TUBGCP2: variants seen among roughly 807,000 people sequenced by gnomAD.
The protein encoded by TUBGCP2 is tubulin gamma complex component 2, also known as gamma-tubulin complex component 2.
In TUBGCP2, 55 loss-of-function variants were observed where a neutral mutation model predicts 92.2. The observed-to-expected ratio is 0.60, with a 90% CI of 0.48 to 0.75. The LOEUF (loss-of-function observed/expected upper bound fraction) is 0.75. Among genes scored for constraint, TUBGCP2 ranks in the 30% least tolerant of loss-of-function variants. TUBGCP2 has a pLI of 0.00. For missense variants in TUBGCP2, 1,093 were observed against 1,188.9 expected (o/e 0.92, Z 1.19); for synonymous variants, 533 against 505.2 (o/e 1.06, Z -0.74).
intron 1 of TUBGCP2, among the ~76,000 whole-genome samples, chr10:133,306,633 A>C (rs917064093): frequency 3.3e-5 from 5 of 151,966 alleles, no homozygotes; most frequent in Non-Finnish European, 7.4e-5. Flanking sequence ...TAAAAATACA[A>C]AAAAATTAGC....
chr10:133,292,991 A>G, intron 7 of TUBGCP2, 48 bp downstream of exon 7: 1 of 1,591,930 alleles, frequency 6.3e-7, no homozygotes, highest in Non-Finnish European at 8.6e-7. Context: ...TGCCATGTTC[A>G]ACACCTGCCA....
At chr10:133,291,867 C>T (rs1847325336) in intron 8 of TUBGCP2, among the ~76,000 whole-genome samples, 1 of 28,474 alleles carries the variant, frequency 3.5e-5, no homozygotes, top group Non-Finnish European at 5.5e-5. Flanking sequence ...TCCCGGGGAG[C>T]CCTACCTGTA....
rs1847101691 is a variant in TUBGCP2, at chr10:133,285,254, C to T, written c.1896-41G>A. The T allele has an allele frequency of 6.2e-7, 1 of 1,607,758 alleles. No individual in the cohort carries two copies. The highest frequency in any genetic ancestry group is 1.3e-5 in the African/African-American group (1 of 74,932). ...CGGCACCTCAGGTGGGCCTCCGTGA[C>T]CGGCGGCGTCGTGGACACGGCGTCT... On this transcript the variant is annotated intron_variant, in intron 12 of 17. Transcript: ENST00000252936. This position sits in a 1 kb window ranked among gnomAD's most constrained non-coding sequence, Gnocchi z 6.8.
At position 133,292,658 on chromosome 10, in the gene TUBGCP2, C is replaced by G; in HGVS notation, c.1055G>C (p.Gly352Ala). The change falls in exon 8 of 18, where the codon GGG becomes GCG. Residue 352 changes from glycine (G) to alanine (A), a missense_variant. Gly to Ala is a moderately conservative substitution (Grantham distance 60). This residue lies in a region of TUBGCP2 where 490 missense variants were observed against 488.5 expected (regional missense o/e 1.00). Coordinates refer to ENST00000252936, the MANE Select transcript of TUBGCP2 (RefSeq NM_006659.4). ...GTGGAGCAGGCTCAGCGTGGACCCC[C>G]CAAGACATTCGCCTTTGTCCACCGA... ...ATSVDKGECL[G>A]GSTLSLLHDR... The G allele has an allele frequency of 6.2e-7, 1 of 1,613,996 alleles. No individual in the cohort carries two copies. Among genetic ancestry groups the G allele is most frequent in the East Asian group, 2.2e-5 (1 of 44,880 alleles).
At chr10:133,288,710 C>T (rs1377178094) in intron 10 of TUBGCP2, 130 bp downstream of exon 10, 16 of 1,083,594 alleles carry the variant, frequency 1.5e-5, no homozygotes, top group Non-Finnish European at 2.1e-5. Flanking sequence ...AGAGACCATC[C>T]AGCAGTGCCC....
At chr10:133,287,962 ACC>A (rs958698194) in intron 11 of TUBGCP2, among the ~76,000 whole-genome samples, 165 bp downstream of exon 11, 20 of 151,796 alleles carry the variant, frequency 1.3e-4, no homozygotes, top group African/African-American at 4.8e-4. Flanking sequence ...AGGCACAAAG[ACC>A]CCCGATCCCG....
chr10:133,308,914 G>A (rs1329058387), upstream of TUBGCP2: 3 of 1,210,968 alleles, frequency 2.5e-6, no homozygotes, highest in African/African-American at 3.2e-5. Flanking sequence ...GACGGTGGCC[G>A]ACAGGCTGCG....
intron 7 of TUBGCP2, 26 bp downstream of exon 7, chr10:133,293,013 C>T (rs781380315): frequency 1.9e-5 from 30 of 1,608,982 alleles, no homozygotes; most frequent in Non-Finnish European, 2.5e-5. Context: ...CCACCACTGC[C>T]CCATGCCCCC....
intron 13 of TUBGCP2, among the ~76,000 whole-genome samples, chr10:133,284,847 T>G (rs966299064): frequency 2.6e-5 from 4 of 152,186 alleles, no homozygotes; most frequent in African/African-American, 9.6e-5. Flanking sequence ...CAGAGAGGGC[T>G]GAGGGACAGA....
intron 4 of TUBGCP2, 115 bp downstream of exon 4, chr10:133,299,312 G>C (rs1847571602): frequency 2.4e-6 from 2 of 831,184 alleles, no homozygotes; most frequent in Admixed American, 3.3e-5. Context: ...AAATGACAGA[G>C]AGACATGTCC....
chr10:133,285,666 A>G lies in TUBGCP2; in HGVS notation c.1723-38T>C, dbSNP rs1469939065. On this transcript the variant is annotated intron_variant, in intron 11 of 17. Transcript: ENST00000252936. This position sits in a 1 kb window ranked among gnomAD's most constrained non-coding sequence, Gnocchi z 6.8. Reference sequence around the variant, plus strand: ...GAAATGAAACAAAGCATCCAGTTTTAAGGAAAAGACCCGAAGTCGCATCCC... The same window carrying G: ...GAAATGAAACAAAGCATCCAGTTTTGAGGAAAAGACCCGAAGTCGCATCCC... 1.3e-6 allele frequency: 2 copies of G among 1,488,602 alleles called. No individual in the cohort carries two copies. Among genetic ancestry groups the G allele is most frequent in the Non-Finnish European group, 1.8e-6 (2 of 1,120,566 alleles). 92.2% of individuals were successfully genotyped at this position (1,488,602 alleles called of 1,614,324 possible). A position where few individuals can be genotyped will look rare whatever the true frequency, so the allele number is the denominator to read the frequency against.
intron 2 of TUBGCP2, among the ~76,000 whole-genome samples, chr10:133,300,725 C>T (rs1252306554): frequency 1.4e-5 from 2 of 143,538 alleles, no homozygotes; most frequent in Non-Finnish European, 3.0e-5. Flanking sequence ...CATCCACCTG[C>T]CTCGTCCCAA....
chr10:133,290,015 C>T (rs1377709639), intron 8 of TUBGCP2, 46 bp from the exon 9 acceptor site: 1 of 1,598,114 alleles, frequency 6.3e-7, no homozygotes, highest in Admixed American at 1.7e-5. Context: ...GCAAGGGCGC[C>T]TGAGGCAGGC....
intron 9 of TUBGCP2, 49 bp from the exon 10 acceptor site, chr10:133,289,069 G>A: frequency 6.4e-7 from 1 of 1,574,108 alleles, no homozygotes; most frequent in South Asian, 1.2e-5. Flanking sequence ...GTCGATCTCA[G>A]GCCCCAGCTG....
At chr10:133,297,754 G>T (rs1411466526) in intron 5 of TUBGCP2, among the ~76,000 whole-genome samples, 198 bp downstream of exon 5, 2 of 152,224 alleles carry the variant, frequency 1.3e-5, no homozygotes, top group African/African-American at 4.8e-5. Flanking sequence ...TGCCATCCTG[G>T]GATGGGAATA....
chr10:133,288,793 T>C (rs775020613), intron 10 of TUBGCP2, 47 bp downstream of exon 10: 6 of 1,530,798 alleles, frequency 3.9e-6, no homozygotes, highest in Non-Finnish European at 5.3e-6. Context: ...CAGGTTCCGG[T>C]TTCAGAGGGA....
chr10:133,290,056 A>C lies in TUBGCP2; in HGVS notation c.1215-87T>G, dbSNP rs996779951. 3.2e-6 allele frequency: 5 copies of C among 1,544,014 alleles called. No individual in the cohort carries two copies. In the African/African-American group the frequency reaches 5.4e-5, roughly 17 times the overall value. ...TTCTCCAGGCCGGCAGCGCGCAGGG[A>C]CATTAACAGAGGCCAGCACACTTCC... On this transcript the variant is annotated intron_variant, in intron 8 of 17. Coordinates refer to ENST00000252936, the MANE Select transcript of TUBGCP2 (RefSeq NM_006659.4).
intron 7 of TUBGCP2, 110 bp from the exon 8 acceptor site, chr10:133,292,798 GCTGCTT>G: frequency 1.5e-6 from 2 of 1,350,762 alleles, no homozygotes; most frequent in Non-Finnish European, 2.0e-6. Flanking sequence ...CTGGGACGGT[GCTGCTT>G]CTTTGGGATA....
At chr10:133,289,068 A>T (rs1047112276) in intron 9 of TUBGCP2, 48 bp from the exon 10 acceptor site, 1 of 1,569,522 alleles carries the variant, frequency 6.4e-7, no homozygotes, top group Admixed American at 1.7e-5. Context: ...GGTCGATCTC[A>T]GGCCCCAGCT....
Sources: allele counts gnomAD v4.1 joint callset (sites outside exome capture counted in the v4.1 genomes callset), GRCh38; gene constraint gnomAD v4.1.1; regional missense constraint gnomAD v4.1.1; non-coding constraint Gnocchi (gnomAD v3.1); transcripts MANE v1.5; gene names NCBI Gene and HGNC (gene_info 2026-07-23, HGNC 2026-07-21).